Variants in TOM1L2 observed in about 807,000 individuals in gnomAD.
TOM1L2 encodes target of myb1 like 2 membrane trafficking protein.
Under a neutral mutation model 67.9 loss-of-function variants are expected in TOM1L2, and 31 were observed. That is an observed-to-expected ratio of 0.46 (90% CI 0.34 to 0.62). The LOEUF (loss-of-function observed/expected upper bound fraction) is 0.62, where lower values mean the gene tolerates loss of function less well. Among genes scored for constraint, TOM1L2 ranks in the 20% least tolerant of loss-of-function variants. The pLI is 0.01. For missense variants in TOM1L2, 606 were observed against 663.5 expected (o/e 0.91, Z 0.95); for synonymous variants, 256 against 254.0 (o/e 1.01, Z -0.07).
At chr17:17,956,103 CA>C (rs2041432442) in intron 1 of TOM1L2, among the ~76,000 whole-genome samples, 1 of 152,202 alleles carries the variant, frequency 6.6e-6, no homozygotes, top group African/African-American at 2.4e-5. Context: ...GCCTCCCCCG[CA>C]CGAAAAAGGA....
intron 8 of TOM1L2, 61 bp from the exon 9 acceptor site, chr17:17,866,985 G>T (rs1258127881): frequency 4.0e-6 from 6 of 1,516,914 alleles, no homozygotes. Flanking sequence ...GGCCCTGTGG[G>T]GTGCTCACTA....
intron 10 of TOM1L2, among the ~76,000 whole-genome samples, chr17:17,865,181 T>G (rs1215233550): frequency 2.0e-5 from 3 of 152,176 alleles, no homozygotes; most frequent in Non-Finnish European, 4.4e-5. Context: ...TTCCAGACAA[T>G]GGACTGCTTT....
intron 4 of TOM1L2, among the ~76,000 whole-genome samples, chr17:17,890,395 T>C (rs2038214917): frequency 6.6e-6 from 1 of 152,144 alleles, no homozygotes; most frequent in African/African-American, 2.4e-5. Context: ...GATGGCACTT[T>C]CACATATTCA....
At chr17:17,913,004 C>T (rs1201023517) in intron 1 of TOM1L2, among the ~76,000 whole-genome samples, 3 of 152,174 alleles carry the variant, frequency 2.0e-5, no homozygotes, top group Admixed American at 6.5e-5. Context: ...GCCAACACAG[C>T]GAAACCCCGT....
rs765936175 is a variant in TOM1L2, at chr17:17,879,673, T to C, written c.731A>G (p.Glu244Gly). ...TGAATCCTCCTGTCCAGGGACCATT[T>C]CTGTTAACATCTCAGACATGACTTT... ...NTKVMSEMLTEMVPGQEDSSD... is the reference protein window; with the variant it reads ...NTKVMSEMLTGMVPGQEDSSD... Residue 244 changes from glutamate (E) to glycine (G), a missense_variant, in exon 7 of 15, where the codon GAA becomes GGA. By Grantham distance (98) the Glu-to-Gly change is moderately conservative (BLOSUM62 -2). Around this residue, in one of 2 missense-constraint regions of TOM1L2, gnomAD observed 543 missense variants for 554.0 expected, o/e 0.98. Transcript: ENST00000379504. 25 of 1,614,080 alleles carry C rather than the reference T, an allele frequency of 1.5e-5. No homozygotes were observed. Among genetic ancestry groups the C allele is most frequent in the Non-Finnish European group, 2.0e-5 (24 of 1,180,040 alleles).
At chr17:17,869,126 A>C in intron 8 of TOM1L2, 1 of 848,610 alleles carries the variant, frequency 1.2e-6, no homozygotes, top group South Asian at 1.8e-5. Context: ...CTAATTCTGC[A>C]CGTCAACTTC....
intron 4 of TOM1L2, among the ~76,000 whole-genome samples, chr17:17,886,087 T>C (rs1204648887): frequency 1.3e-5 from 2 of 152,178 alleles, no homozygotes; most frequent in Admixed American, 6.5e-5. Flanking sequence ...CATGACTCCA[T>C]TGCCAAGTCT....
chr17:17,858,930 C>G (rs1385094795), intron 12 of TOM1L2: 1 of 152,192 alleles, frequency 6.6e-6, no homozygotes, highest in Non-Finnish European at 1.5e-5. Flanking sequence ...CTTGGCCAGG[C>G]TGTTCTTGAA....
intron 1 of TOM1L2, among the ~76,000 whole-genome samples, chr17:17,938,458 G>A (rs1328457876): frequency 6.6e-6 from 1 of 152,122 alleles, no homozygotes; most frequent in Admixed American, 6.5e-5. Context: ...GCTCTGACTA[G>A]GATGTTCTAT....
intron 2 of TOM1L2, among the ~76,000 whole-genome samples, chr17:17,905,478 T>C (rs2039050331): frequency 6.6e-6 from 1 of 152,226 alleles, no homozygotes; most frequent in Non-Finnish European, 1.5e-5. Flanking sequence ...CAGAATCCCA[T>C]CACTTCTAAT....
rs201194960 is a variant in TOM1L2 at position 17,883,029 on chromosome 17, G to C, written c.502-166C>G. 2.7e-4 allele frequency among the ~76,000 whole-genome samples: 41 copies of C among 152,266 alleles called. 1 individual carries two copies. The highest frequency in any genetic ancestry group is 1.4e-3 in the East Asian group (7 of 5,180). ...GTTCACAGAACCCCACTGAGCCCAG[G>C]CTCTCCATCTGGGAAGTGGGGCTGC... On this transcript the variant is annotated intron_variant, in intron 5 of 14. Coordinates refer to ENST00000379504, the MANE Select transcript of TOM1L2 (RefSeq NM_001082968.2).
intron 12 of TOM1L2, chr17:17,860,172 G>C (rs974354079): frequency 1.3e-5 from 2 of 152,308 alleles, no homozygotes; most frequent in Non-Finnish European, 2.9e-5. Flanking sequence ...CACGAGGAGG[G>C]GATGTCCTCA....
chr17:17,867,096 CT>C (rs892397212), intron 8 of TOM1L2, among the ~76,000 whole-genome samples, 172 bp from the exon 9 acceptor site: 1 of 152,116 alleles, frequency 6.6e-6, no homozygotes, highest in African/African-American at 2.4e-5. Flanking sequence ...CTGTGTGGGG[CT>C]CCCCCTGAGA....
At chr17:17,860,492 C>T (rs928650313) in intron 12 of TOM1L2, among the ~76,000 whole-genome samples, 9 of 152,208 alleles carry the variant, frequency 5.9e-5, no homozygotes, top group African/African-American at 1.7e-4. Flanking sequence ...AGGAGCATCC[C>T]GTGGAAACCA....
intron 8 of TOM1L2, 88 bp from the exon 9 acceptor site, chr17:17,867,012 C>G: frequency 3.0e-6 from 4 of 1,316,976 alleles, no homozygotes; most frequent in Non-Finnish European, 4.4e-6. Context: ...TGAAGAATCC[C>G]TGGGACCAAG....
At chr17:17,954,206 G>A (rs2041330567) in intron 1 of TOM1L2, among the ~76,000 whole-genome samples, 1 of 152,208 alleles carries the variant, frequency 6.6e-6, no homozygotes, top group Non-Finnish European at 1.5e-5. Context: ...CACAGAAAAG[G>A]AGGGAGTGGG....
chr17:17,879,181 T>A (rs2037584510), intron 7 of TOM1L2, among the ~76,000 whole-genome samples: 1 of 152,176 alleles, frequency 6.6e-6, no homozygotes, highest in African/African-American at 2.4e-5. Context: ...ACAGTCAAGG[T>A]TGAACAGGCC....
At chr17:17,956,565 G>C (rs1274005700) in intron 1 of TOM1L2, among the ~76,000 whole-genome samples, 1 of 152,226 alleles carries the variant, frequency 6.6e-6, no homozygotes, top group East Asian at 1.9e-4. Context: ...TCCTTGGGGA[G>C]GTTCGGGCCG....
intron 12 of TOM1L2, among the ~76,000 whole-genome samples, chr17:17,860,974 T>C (rs1357332316): frequency 6.6e-6 from 1 of 152,218 alleles, no homozygotes; most frequent in Non-Finnish European, 1.5e-5. Flanking sequence ...GGGTTGGTAC[T>C]GCTCTGCTAG....
Sources: allele counts gnomAD v4.1 joint callset (sites outside exome capture counted in the v4.1 genomes callset), GRCh38; gene constraint gnomAD v4.1.1; regional missense constraint gnomAD v4.1.1; transcripts MANE v1.5; gene names NCBI Gene and HGNC (gene_info 2026-07-23, HGNC 2026-07-21).